FAM200B: variants seen among roughly 807,000 people sequenced by gnomAD.
FAM200B encodes the protein protein FAM200B.
A neutral mutation model predicts 33.1 loss-of-function variants in FAM200B; 32 were observed. The ratio of observed to expected loss-of-function variants is 0.97; its 90% CI spans 0.73 to 1.30. The LOEUF (loss-of-function observed/expected upper bound fraction) is 1.30, where lower values mean the gene tolerates loss of function less well. Ranked by LOEUF, FAM200B falls within the 50% of genes most tolerant of loss-of-function variation. The probability of loss-of-function intolerance (pLI) is 0.00; values close to 1 mark genes in which losing one functional copy is unlikely to be tolerated. For missense variants in FAM200B, 741 were observed against 754.0 expected (o/e 0.98, Z 0.20); for synonymous variants, 240 against 264.8 (o/e 0.91, Z 0.91).
In FAM200B at chr4:15,688,445, C is replaced by T. The variant is rs993211892; in HGVS notation, c.1468C>T (p.His490Tyr). The change falls in exon 2 of 2, where the codon CAT (histidine) becomes TAT (tyrosine). Residue 490 changes from histidine (H) to tyrosine (Y), a missense_variant. Transcript: ENST00000422728. Reference sequence around the variant, plus strand: ...TTACATGTTTCCAAGATTTTTGCAGCATATTGAAGAGAATATTATTAATGA... The same window carrying T: ...TTACATGTTTCCAAGATTTTTGCAGTATATTGAAGAGAATATTATTAATGA... ...SYYMFPRFLQ[H>Y]IEENIINENI... 1.9e-6 allele frequency: 3 copies of T among 1,541,486 alleles called. No homozygotes were observed. The South Asian group carries it at 3.6e-5, about 19-fold the overall frequency.
chr4:15,684,218 T>A (rs1455651494), intron 1 of FAM200B, among the ~76,000 whole-genome samples: 2 of 152,178 alleles, frequency 1.3e-5, no homozygotes, highest in African/African-American at 4.8e-5. Flanking sequence ...GGAATCACAC[T>A]GGTGTACTTG....
At position 15,688,853 on chromosome 4, in the gene FAM200B, A is replaced by C; in HGVS notation, c.1876A>C (p.Arg626=). 6.4e-7 allele frequency: 1 copy of C among 1,551,528 alleles called. No individual in the cohort carries two copies. Among genetic ancestry groups the C allele is most frequent in the South Asian group, 1.2e-5 (1 of 84,052 alleles). The change falls in exon 2 of 2, where the codon AGA becomes CGA. Residue 626 remains arginine, a synonymous_variant. Transcript: ENST00000422728. ...CTTAACGCAGTTAAAAACAAAGGAA[A>C]GAAATGGGCTGAATTGTGCAGCAGT... ...SILTQLKTKE[R]NGLNCAAVMR...
the FAM200B span, among the ~76,000 whole-genome samples, chr4:15,650,437 G>A: frequency 1.3e-5 from 2 of 151,736 alleles, no homozygotes; most frequent in African/African-American, 2.4e-5. Flanking sequence ...ATGCTGTTTC[G>A]GACCCACAAA....
upstream of FAM200B, among the ~76,000 whole-genome samples, chr4:15,678,654 TTAAGTA>T: frequency 6.6e-6 from 1 of 152,208 alleles, no homozygotes; most frequent in Admixed American, 6.5e-5. Context: ...GAGCATTAAT[TTAAGTA>T]TATTTACCTA....
At chr4:15,668,723 A>G in the FAM200B span, among the ~76,000 whole-genome samples, 1 of 152,236 alleles carries the variant, frequency 6.6e-6, no homozygotes, top group Admixed American at 6.5e-5. Flanking sequence ...AAGGAAAAAA[A>G]TACATTCAAG....
the FAM200B span, among the ~76,000 whole-genome samples, chr4:15,675,037 A>G: frequency 2.0e-5 from 3 of 152,208 alleles, no homozygotes; most frequent in East Asian, 5.8e-4. Context: ...GAATCACGAA[A>G]AAAAAAGCAG....
chr4:15,639,222 T>C, the FAM200B span, among the ~76,000 whole-genome samples: 2 of 152,134 alleles, frequency 1.3e-5, no homozygotes, highest in Non-Finnish European at 2.9e-5. Context: ...AGCTAGTAAA[T>C]CAATCCAAAA....
chr4:15,642,881 A>G, the FAM200B span, among the ~76,000 whole-genome samples: 3 of 152,188 alleles, frequency 2.0e-5, no homozygotes, highest in African/African-American at 7.2e-5. Flanking sequence ...TATATACTCT[A>G]GAAAGTCAGG....
At chr4:15,640,936 T>C in the FAM200B span, 1 of 987,280 alleles carries the variant, frequency 1.0e-6, no homozygotes, top group Non-Finnish European at 1.5e-6. Context: ...TCATTAATTA[T>C]GTCTGGTCCC....
chr4:15,649,336 T>C, the FAM200B span, among the ~76,000 whole-genome samples: 1 of 151,900 alleles, frequency 6.6e-6, no homozygotes, highest in Non-Finnish European at 1.5e-5. Flanking sequence ...TCCCAGCACT[T>C]TGGGAGGCCG....
the FAM200B span, chr4:15,644,428 T>C: frequency 4.7e-6 from 6 of 1,288,466 alleles, no homozygotes; most frequent in Non-Finnish European, 6.6e-6. Flanking sequence ...GTGACAAGTT[T>C]TGCCAATGAT....
Position 15,687,946 on chromosome 4 carries a change from GA to G in FAM200B, c.971del (p.Asn324IlefsTer10). ...AAGTTACTAATAATGGTGCTGTGTG[GA>G]ATCATTGTTTTATACATCGTGAAGG... is the stretch of plus-strand genomic sequence containing the variant. ...LEVTNNGAVW[N>X]HCFIHREGLA... On this transcript the variant is annotated frameshift_variant, in exon 2 of 2. Coordinates refer to ENST00000422728, the MANE Select transcript of FAM200B (RefSeq NM_001145191.2). LOFTEE classifies it high-confidence loss of function. 1.3e-6 allele frequency: 2 copies of G among 1,551,180 alleles called. No individual in the cohort carries two copies. The highest frequency in any genetic ancestry group is 2.4e-5 in the South Asian group (2 of 84,040).
chr4:15,639,637 G>C, the FAM200B span, among the ~76,000 whole-genome samples: 3 of 152,214 alleles, frequency 2.0e-5, no homozygotes, highest in East Asian at 5.8e-4. Context: ...AATTGTGATG[G>C]ATATCATACA....
the FAM200B span, among the ~76,000 whole-genome samples, chr4:15,659,036 G>A: frequency 1.3e-5 from 2 of 152,140 alleles, no homozygotes; most frequent in African/African-American, 4.8e-5. Context: ...CAGCTGCAGT[G>A]ATCAATGTTT....
the FAM200B span, among the ~76,000 whole-genome samples, chr4:15,650,457 T>G: frequency 6.6e-6 from 1 of 152,140 alleles, no homozygotes; most frequent in Non-Finnish European, 1.5e-5. Flanking sequence ...AAGAGATTTA[T>G]GACCTACTAC....
chr4:15,682,395 A>T lies in FAM200B; in HGVS notation c.-743+494A>T, dbSNP rs150718029. 3.5e-3 allele frequency among the ~76,000 whole-genome samples: 531 copies of T among 152,336 alleles called. 3 individuals are homozygous for T. The highest frequency in any genetic ancestry group is 0.012 in the African/African-American group (501 of 41,566). On this transcript the variant is annotated intron_variant, in intron 1 of 1. Transcript: ENST00000422728. ...ACAGAAAAAAGGTAGAAACAAAACT[A>T]TAACACATGTGTACTCACCACTGAA...
At position 15,687,680 on chromosome 4, in the gene FAM200B, A is replaced by T. The variant is rs1217150957; in HGVS notation, c.703A>T (p.Ile235Phe). The change falls in exon 2 of 2, where the codon ATT (isoleucine) becomes TTT (phenylalanine). Residue 235 changes from isoleucine to phenylalanine, a missense_variant. By Grantham distance (21) the Ile-to-Phe change is conservative. Transcript: ENST00000422728. ...FAIQLDESTD[I>F]GSCTTLLVYV... ...AATCCAGCTTGATGAAAGCACTGAT[A>T]TTGGAAGCTGCACAACACTTTTAGT... 1 of 1,551,138 alleles carries T rather than the reference A, an allele frequency of 6.4e-7. No homozygotes were observed. Among genetic ancestry groups the T allele is most frequent in the Non-Finnish European group, 8.7e-7 (1 of 1,146,766 alleles).
the FAM200B span, among the ~76,000 whole-genome samples, chr4:15,671,321 A>G: frequency 6.6e-6 from 1 of 152,058 alleles, no homozygotes; most frequent in African/African-American, 2.4e-5. Flanking sequence ...AAGAAATGTA[A>G]CTTCTTACCT....
the FAM200B span, chr4:15,644,772 T>C: frequency 8.7e-7 from 1 of 1,153,700 alleles, no homozygotes; most frequent in Non-Finnish European, 1.2e-6. Flanking sequence ...ATAAAAAATA[T>C]TCAAATACAT....
Sources: gnomAD v4.1 joint callset for allele counts (sites outside exome capture counted in the v4.1 genomes callset) on GRCh38, gnomAD v4.1.1 for gene constraint, MANE v1.5 for transcripts, NCBI Gene and HGNC (gene_info 2026-07-23, HGNC 2026-07-21) for gene names.